The following KLHL32 variants were observed in gnomAD, a reference collection of about 807,000 sequenced individuals.
The protein encoded by KLHL32 is kelch-like protein 32.
In KLHL32, 35 loss-of-function variants were observed where a neutral mutation model predicts 64.8. The observed-to-expected ratio is 0.54, with a 90% CI of 0.41 to 0.72. The LOEUF is 0.72. Among genes scored for constraint, KLHL32 ranks in the 30% least tolerant of loss-of-function variants. The pLI, the probability that KLHL32 is intolerant of heterozygous loss-of-function variation, is 0.00. For missense variants in KLHL32, 589 were observed against 768.5 expected (o/e 0.77, Z 2.76); for synonymous variants, 259 against 281.0 (o/e 0.92, Z 0.78).
rs564012829 is a variant in KLHL32, at chr6:96,942,690, T to TGTGA, written c.-66+17665_-66+17666insTGAG. Among the ~76,000 whole-genome samples the TGTGA allele has an allele frequency of 8.3e-3, 1,218 of 146,196 alleles. 8 individuals are homozygous for TGTGA. The highest frequency in any genetic ancestry group is 0.017 in the African/African-American group (664 of 40,232). ...GTGTGTGTGTGTGTGTGTGTGTGTG[T>TGTGA]GATTCAGAATATCCCTTCAGGGTCA... On this transcript the variant is annotated intron_variant, in intron 1 of 10. Transcript: ENST00000369261.
At chr6:96,942,464 C>A (rs1771414835) in intron 1 of KLHL32, among the ~76,000 whole-genome samples, 1 of 152,156 alleles carries the variant, frequency 6.6e-6, no homozygotes, top group Non-Finnish European at 1.5e-5. Flanking sequence ...ATCTAATCTG[C>A]CATTTAGCTG....
intron 5 of KLHL32, among the ~76,000 whole-genome samples, chr6:97,081,776 C>T (rs975857438): frequency 6.6e-6 from 1 of 152,154 alleles, no homozygotes; most frequent in Non-Finnish European, 1.5e-5. Context: ...GATTTATGGC[C>T]TTCTCTTCCA....
At chr6:97,096,450 C>T (rs182422434) in intron 6 of KLHL32, among the ~76,000 whole-genome samples, 3 of 152,296 alleles carry the variant, frequency 2.0e-5, no homozygotes, top group Admixed American at 6.5e-5. Context: ...CCACTCCAAG[C>T]GTATATATTC....
At chr6:97,011,425 C>A (rs75563613) in intron 3 of KLHL32, among the ~76,000 whole-genome samples, 1 of 152,282 alleles carries the variant, frequency 6.6e-6, no homozygotes, top group African/African-American at 2.4e-5. Flanking sequence ...TTATTAATTA[C>A]TAATCACAAG....
chr6:96,951,218 G>A lies in KLHL32; in HGVS notation c.-65-15778G>A, dbSNP rs112759114. Among the ~76,000 whole-genome samples the A allele has an allele frequency of 1.2e-3, 180 of 152,224 alleles. 1 individual carries two copies. Among genetic ancestry groups the A allele is most frequent in the African/African-American group, 4.2e-3 (174 of 41,532 alleles). On this transcript the variant is annotated intron_variant, in intron 1 of 10. Transcript: ENST00000369261. ...ACAGGCTGAGTAGGACAGGGAAGAA[G>A]CCAGGACCAGCTTGGGTTCAGGCAA...
intron 6 of KLHL32, among the ~76,000 whole-genome samples, chr6:97,098,582 T>C (rs576606938): frequency 2.0e-5 from 3 of 152,218 alleles, no homozygotes; most frequent in Non-Finnish European, 4.4e-5. Context: ...AGAGAGTCAT[T>C]AGGTGATCAT....
At position 97,093,450 on chromosome 6, in the gene KLHL32, A is replaced by G. The variant is rs927617863; in HGVS notation, c.627+8109A>G. 5.3e-5 allele frequency among the ~76,000 whole-genome samples: 8 copies of G among 152,316 alleles called. No homozygotes were observed. The South Asian group carries it at 6.2e-4, about 12-fold the overall frequency. On this transcript the variant is annotated intron_variant, in intron 6 of 10. Transcript: ENST00000369261. ...GACTCACTTCACAGTATAGATTTCAATGGAGGTCTCACTGTATTCTCTTGA... is the reference window on the plus strand; with the variant it reads ...GACTCACTTCACAGTATAGATTTCAGTGGAGGTCTCACTGTATTCTCTTGA...
At chr6:97,030,719 C>G (rs1783416415) in intron 3 of KLHL32, among the ~76,000 whole-genome samples, 1 of 152,156 alleles carries the variant, frequency 6.6e-6, no homozygotes, top group Non-Finnish European at 1.5e-5. Context: ...GCTTTGAACT[C>G]ACTTGTGTTT....
At chr6:97,032,986 C>T (rs920400919) in intron 3 of KLHL32, among the ~76,000 whole-genome samples, 7 of 150,168 alleles carry the variant, frequency 4.7e-5, no homozygotes, top group Non-Finnish European at 7.4e-5. Context: ...ACAACAGAAA[C>T]TGGTGCTTCT....
intron 7 of KLHL32, among the ~76,000 whole-genome samples, chr6:97,122,278 A>C (rs1798447371): frequency 6.6e-6 from 1 of 152,202 alleles, no homozygotes; most frequent in Non-Finnish European, 1.5e-5. Flanking sequence ...TTTTGAGTAT[A>C]TTAAGTACCC....
At chr6:97,133,177 G>A (rs1439747129) in intron 10 of KLHL32, among the ~76,000 whole-genome samples, 3 of 152,052 alleles carry the variant, frequency 2.0e-5, no homozygotes, top group Admixed American at 6.5e-5. Flanking sequence ...CTTCCTTCAC[G>A]GCAGAGGCTG....
chr6:96,960,346 G>T (rs1442925058), intron 1 of KLHL32, among the ~76,000 whole-genome samples: 1 of 152,010 alleles, frequency 6.6e-6, no homozygotes, highest in South Asian at 2.1e-4. Flanking sequence ...CCCATAACTT[G>T]TCTTTCCCAT....
the KLHL32 span, among the ~76,000 whole-genome samples, chr6:96,900,775 A>G: frequency 6.6e-6 from 1 of 152,240 alleles, no homozygotes; most frequent in Non-Finnish European, 1.5e-5. Flanking sequence ...AGGTTTCATC[A>G]ATCAAATCTC....
At chr6:97,131,880 G>A (rs554435658) in intron 9 of KLHL32, among the ~76,000 whole-genome samples, 2 of 152,062 alleles carry the variant, frequency 1.3e-5, no homozygotes, top group Non-Finnish European at 2.9e-5. Context: ...TTAGGCCCTC[G>A]ATTCTGGATC....
intron 7 of KLHL32, among the ~76,000 whole-genome samples, chr6:97,122,947 C>T (rs1402426483): frequency 6.6e-6 from 1 of 152,226 alleles, no homozygotes; most frequent in Non-Finnish European, 1.5e-5. Flanking sequence ...TGGTTTTCCT[C>T]AATCCTGAAT....
chr6:96,988,934 T>G (rs1043061997), intron 3 of KLHL32, among the ~76,000 whole-genome samples: 1 of 150,900 alleles, frequency 6.6e-6, no homozygotes, highest in African/African-American at 2.4e-5. Flanking sequence ...AAGGGGAACA[T>G]CACACACTGG....
At chr6:97,007,883 G>A (rs967075569) in intron 3 of KLHL32, among the ~76,000 whole-genome samples, 3 of 152,184 alleles carry the variant, frequency 2.0e-5, no homozygotes, top group African/African-American at 7.2e-5. Context: ...TTCCCAGTCT[G>A]CTGTCCACAA....
At chr6:97,119,582 A>G (rs996947126) in intron 7 of KLHL32, among the ~76,000 whole-genome samples, 1 of 152,236 alleles carries the variant, frequency 6.6e-6, no homozygotes, top group African/African-American at 2.4e-5. Flanking sequence ...AGTTTAAGGT[A>G]TGATTGAAAA....
intron 1 of KLHL32, among the ~76,000 whole-genome samples, chr6:96,933,464 T>C (rs1770189830): frequency 6.6e-6 from 1 of 152,228 alleles, no homozygotes; most frequent in South Asian, 2.1e-4. Context: ...ACTTCTTGCC[T>C]CTCAACATTA....
Sources: allele counts gnomAD v4.1 joint callset (sites outside exome capture counted in the v4.1 genomes callset), GRCh38; gene constraint gnomAD v4.1.1; transcripts MANE v1.5; gene names NCBI Gene and HGNC (gene_info 2026-07-23, HGNC 2026-07-21).